MYH11: variants seen among roughly 807,000 people sequenced by gnomAD.
The protein encoded by MYH11 is myosin heavy chain 11, also known as myosin-11.
MYH11 carries 80 observed loss-of-function variants against 246.6 expected under a neutral mutation model. The ratio of observed to expected loss-of-function variants is 0.32; its 90% confidence interval spans 0.27 to 0.39. The LOEUF (loss-of-function observed/expected upper bound fraction) is 0.39, where lower values mean the gene tolerates loss of function less well. Among genes scored for constraint, MYH11 ranks in the 10% least tolerant of loss-of-function variants. The pLI is 1.00. For synonymous variants in MYH11, 1,071 were observed against 1,015.5 expected (o/e 1.05, Z -1.04); for missense variants, 2,158 against 2,546.8 (o/e 0.85, Z 3.29).
At chr16:15,719,459 G>C in intron 35 of MYH11, 126 bp downstream of exon 35, 1 of 1,519,616 alleles carries the variant, frequency 6.6e-7, no homozygotes, top group South Asian at 1.1e-5. Flanking sequence ...GGAAGCGTGT[G>C]TCTTTCTAGA....
chr16:15,793,484 G>A (rs1019502974), intron 4 of MYH11, among the ~76,000 whole-genome samples: 1 of 151,938 alleles, frequency 6.6e-6, no homozygotes, highest in African/African-American at 2.4e-5. Context: ...GTAGTAATGG[G>A]GTCTTACTGT....
At chr16:15,836,474 A>C (rs1423161085) in intron 2 of MYH11, among the ~76,000 whole-genome samples, 1 of 152,158 alleles carries the variant, frequency 6.6e-6, no homozygotes, top group East Asian at 1.9e-4. Context: ...ATTTTGGCTC[A>C]CTGCAACCTC....
At chr16:15,854,025 T>C (rs2044396709) in intron 1 of MYH11, among the ~76,000 whole-genome samples, 2 of 152,160 alleles carry the variant, frequency 1.3e-5, no homozygotes, top group Non-Finnish European at 2.9e-5. Context: ...AGCAAGACTC[T>C]GTCTCAAAAA....
chr16:15,785,617 C>G (rs1567759986), intron 5 of MYH11: 1 of 152,040 alleles, frequency 6.6e-6, no homozygotes, highest in African/African-American at 2.4e-5. Flanking sequence ...TCTGGAATGG[C>G]GAACACTGGA....
chr16:15,818,186 C>G (rs2043309856), intron 3 of MYH11, among the ~76,000 whole-genome samples: 1 of 152,192 alleles, frequency 6.6e-6, no homozygotes, highest in African/African-American at 2.4e-5. Context: ...ATGAAGAACT[C>G]AAGGAAGAAG....
chr16:15,723,439 G>A (rs992407690), intron 31 of MYH11, among the ~76,000 whole-genome samples: 2 of 152,168 alleles, frequency 1.3e-5, no homozygotes, highest in East Asian at 1.9e-4. Context: ...GTGAGGCCAG[G>A]AGTTGGAGAC....
chr16:15,791,805 C>G (rs1273372299), intron 4 of MYH11: 1 of 151,600 alleles, frequency 6.6e-6, no homozygotes, highest in East Asian at 1.9e-4. Flanking sequence ...TCCCAGGTAG[C>G]TGGGACTACA....
intron 10 of MYH11, 55 bp downstream of exon 10, chr16:15,763,741 T>TGGG: frequency 8.8e-5 from 57 of 646,756 alleles, no homozygotes; most frequent in East Asian, 1.6e-4. Flanking sequence ...AAATGTCACC[T>TGGG]CCCCCACCCC....
chr16:15,767,914 T>C (rs990951580), intron 9 of MYH11, among the ~76,000 whole-genome samples: 2 of 151,152 alleles, frequency 1.3e-5, no homozygotes, highest in African/African-American at 2.4e-5. Context: ...CCTGCCAACA[T>C]CTTGTCTTTT....
At chr16:15,763,754 C>CCCCCCCCA in intron 10 of MYH11, 42 bp downstream of exon 10, 1 of 854,252 alleles carries the variant, frequency 1.2e-6, no homozygotes, top group Middle Eastern at 2.2e-4. Flanking sequence ...CCCACCCCCC[C>CCCCCCCCA]AACCCCAAAG....
intron 2 of MYH11, among the ~76,000 whole-genome samples, chr16:15,834,639 T>C (rs907061995): frequency 6.6e-6 from 1 of 152,192 alleles, no homozygotes; most frequent in East Asian, 1.9e-4. Flanking sequence ...TTCCCCTACT[T>C]AAGAAAGTAA....
rs372114305 is a variant in MYH11, at chr16:15,772,371, C to A, written c.890-659G>T. Among the ~76,000 whole-genome samples the A allele has an allele frequency of 5.3e-5, 8 of 152,150 alleles. No homozygotes were observed. In the East Asian group the frequency reaches 1.4e-3, roughly 26 times the overall value. ...CCTCTCAAAGTTCTGGGATTACAGA[C>A]GTGAGCCACCGCACCTGGCCTTATT... On this transcript the variant is annotated intron_variant, in intron 8 of 40. Coordinates refer to ENST00000300036, the MANE Select transcript of MYH11 (RefSeq NM_002474.3).
At chr16:15,706,006 T>A (rs1382253143) in intron 40 of MYH11, among the ~76,000 whole-genome samples, 549 of 52,754 alleles carry the variant, frequency 0.01, 1 homozygote, top group African/African-American at 0.023. Context: ...AAAAAAAAAA[T>A]CAAGGCCCAG....
At position 15,721,137 on chromosome 16, in the gene MYH11, G is replaced by C; in HGVS notation, c.4579-86C>G. The C allele has an allele frequency of 3.4e-6, 5 of 1,451,162 alleles. No homozygotes were observed. The South Asian group carries it at 3.5e-5, about 10-fold the overall frequency. 89.9% of individuals were successfully genotyped at this position (1,451,162 alleles called of 1,614,324 possible). A position where few individuals can be genotyped will look rare whatever the true frequency, so the allele number is the denominator to read the frequency against. On this transcript the variant is annotated intron_variant, in intron 32 of 40. Coordinates refer to ENST00000300036, the MANE Select transcript of MYH11 (RefSeq NM_002474.3). ...ACCCACCGTGAGCGGCACCTCAGGA[G>C]ATCAGGGAGGTGGCTTTGGCCTCCC... is the stretch of plus-strand genomic sequence containing the variant.
At chr16:15,803,469 G>T (rs2042936520) in intron 3 of MYH11, among the ~76,000 whole-genome samples, 1 of 151,864 alleles carries the variant, frequency 6.6e-6, no homozygotes, top group African/African-American at 2.4e-5. Flanking sequence ...TAGAGACGGG[G>T]TTTCACCATG....
chr16:15,720,733 A>C, intron 33 of MYH11, 106 bp downstream of exon 33: 1 of 1,146,412 alleles, frequency 8.7e-7, no homozygotes, highest in Non-Finnish European at 1.3e-6. Flanking sequence ...ACTCTGTTTC[A>C]AAAAAAAATA....
rs868744162 is a variant in MYH11, at chr16:15,838,070, C to T, written c.183G>A (p.Glu61=). 1 of 1,614,118 alleles carries T rather than the reference C, an allele frequency of 6.2e-7. No homozygotes were observed. Among genetic ancestry groups the T allele is most frequent in the Non-Finnish European group, 8.5e-7 (1 of 1,180,048 alleles). Residue 61 remains glutamate (E), a synonymous_variant, in exon 2 of 41, where the codon GAG becomes GAA. Transcript: ENST00000300036. ...KEEKGDEVVV[E]LVENGKKVTV... ...TGACCTTCTTGCCATTCTCCACCAGCTCCACAACCACCTCATCCCCCTTCT... is the reference window on the plus strand; with the variant it reads ...TGACCTTCTTGCCATTCTCCACCAGTTCCACAACCACCTCATCCCCCTTCT...
intron 1 of MYH11, among the ~76,000 whole-genome samples, chr16:15,842,195 T>A (rs2151385759): frequency 6.6e-6 from 1 of 152,278 alleles, no homozygotes; most frequent in Non-Finnish European, 1.5e-5. Context: ...GAGACCAGCC[T>A]GGCCAACATG....
intron 2 of MYH11, among the ~76,000 whole-genome samples, chr16:15,836,512 G>A (rs2043896701): frequency 6.6e-6 from 1 of 152,028 alleles, no homozygotes; most frequent in Non-Finnish European, 1.5e-5. Flanking sequence ...CGATTCTCCT[G>A]CCTCGGCCTC....
Sources: gnomAD v4.1 joint callset for allele counts (sites outside exome capture counted in the v4.1 genomes callset) on GRCh38, gnomAD v4.1.1 for gene constraint, MANE v1.5 for transcripts, NCBI Gene and HGNC (gene_info 2026-07-23, HGNC 2026-07-21) for gene names.